The following CHUK variants were observed in gnomAD, a reference collection of about 807,000 sequenced individuals.
CHUK encodes the protein inhibitor of nuclear factor kappa-B kinase subunit alpha.
Under a neutral mutation model 104.8 loss-of-function variants are expected in CHUK, and 35 were observed. That is an observed-to-expected ratio of 0.33 (90% CI 0.26 to 0.44). The LOEUF (loss-of-function observed/expected upper bound fraction) is 0.44. Ranked by LOEUF, CHUK falls within the 20% of genes least tolerant of loss-of-function variation. The probability of loss-of-function intolerance (pLI) is 1.00; values close to 1 mark genes in which losing one functional copy is unlikely to be tolerated. For missense variants in CHUK, 663 were observed against 902.7 expected, an observed-to-expected ratio of 0.73 and a Z score of 3.40; for synonymous variants, 276 against 291.9, an observed-to-expected ratio of 0.95 and a Z score of 0.56.
chr10:100,190,227 G>C (rs1845165428), intron 20 of CHUK: 1 of 154,302 alleles, frequency 6.5e-6, no homozygotes, highest in South Asian at 2.0e-4. Flanking sequence ...TCCCATGTTG[G>C]CCAGGCTAGT....
chr10:100,193,542 C>T, intron 18 of CHUK, 111 bp from the exon 19 acceptor site: 1 of 1,228,714 alleles, frequency 8.1e-7, no homozygotes, highest in Non-Finnish European at 1.2e-6. Flanking sequence ...CTTATATGCA[C>T]AACCAGAGTA....
chr10:100,208,157 G>A (rs999777280), intron 10 of CHUK, among the ~76,000 whole-genome samples: 5 of 152,070 alleles, frequency 3.3e-5, no homozygotes, highest in Non-Finnish European at 5.9e-5. Flanking sequence ...CCATGCTGGA[G>A]TGCAGCGGCG....
chr10:100,199,121 C>T (rs114612333), intron 16 of CHUK, among the ~76,000 whole-genome samples: 132 of 152,296 alleles, frequency 8.7e-4, no homozygotes, highest in African/African-American at 2.9e-3. Flanking sequence ...GATTCCCCAT[C>T]CAGTACTCTT....
At chr10:100,211,799 T>A (rs965110841) in intron 9 of CHUK, among the ~76,000 whole-genome samples, 14 of 152,062 alleles carry the variant, frequency 9.2e-5, no homozygotes, top group Non-Finnish European at 1.9e-4. Flanking sequence ...AACATGGGAG[T>A]GCAAATATCT....
chr10:100,188,441 A>G lies in CHUK; in HGVS notation c.*1157T>C, dbSNP rs932419429. 2 of 152,658 alleles carry G rather than the reference A, an allele frequency of 1.3e-5. No homozygotes were observed. The highest frequency in any genetic ancestry group is 4.8e-5 in the African/African-American group (2 of 41,460). The allele number at this position is 152,658 out of a possible 1,614,324, so 9.5% of individuals were successfully genotyped here. A position where few individuals can be genotyped will look rare whatever the true frequency, so the allele number is the denominator to read the frequency against. Reference sequence around the variant, plus strand: ...AAGCATTTCACATTTTTTAAGACAAATAATATCTTCTAAATTACTTAGCAG... The same window carrying G: ...AAGCATTTCACATTTTTTAAGACAAGTAATATCTTCTAAATTACTTAGCAG... On this transcript the variant is annotated 3_prime_UTR_variant, in exon 21 of 21. Transcript: ENST00000370397.
intron 9 of CHUK, among the ~76,000 whole-genome samples, chr10:100,216,462 G>A (rs1424633095): frequency 1.3e-5 from 2 of 152,146 alleles, no homozygotes; most frequent in Admixed American, 6.5e-5. Context: ...TCAGCACTTT[G>A]GGAAGTCGAG....
intron 9 of CHUK, 141 bp downstream of exon 9, chr10:100,217,854 G>A: frequency 1.1e-6 from 1 of 900,968 alleles, no homozygotes; most frequent in East Asian, 2.7e-5. Context: ...TCCAGCCTAG[G>A]TGACAGAGTG....
intron 1 of CHUK, 66 bp downstream of exon 1, chr10:100,229,362 T>C: frequency 8.3e-7 from 1 of 1,198,252 alleles, no homozygotes; most frequent in Non-Finnish European, 1.2e-6. Flanking sequence ...CAGCCCTGTG[T>C]TCCACAGACG....
intron 5 of CHUK, 93 bp downstream of exon 5, chr10:100,220,494 TG>T: frequency 1.2e-6 from 1 of 864,472 alleles, no homozygotes. Context: ...AAGACTGTTA[TG>T]GGCATACAGC....
intron 9 of CHUK, among the ~76,000 whole-genome samples, chr10:100,215,936 T>C (rs1220895671): frequency 6.6e-6 from 1 of 152,226 alleles, no homozygotes. Context: ...ACAAGCATCC[T>C]TGAAGCTTCT....
At chr10:100,192,734 CAA>C in intron 19 of CHUK, 1 of 987,428 alleles carries the variant, frequency 1.0e-6, no homozygotes, top group East Asian at 1.1e-4. Context: ...CAGCTTTTAG[CAA>C]AAGAGTAGGA....
rs779974216 is a variant in CHUK, at chr10:100,209,673, AC to A, written c.1049del (p.Gly350ValfsTer24). ...RIERETGINTGSQELLSETGI... is the reference protein window; with the variant it reads ...RIERETGINTXSQELLSETGI... The stretch of plus-strand genomic sequence containing the variant: ...CTGTCTCTGAAAGAAGTTCTTGAGA[AC>A]CAGTATTTATTCCAGTTTCACGCTC... On this transcript the variant is annotated frameshift_variant, in exon 10 of 21. Coordinates refer to ENST00000370397, the MANE Select transcript of CHUK (RefSeq NM_001278.5). LOFTEE classifies it high-confidence loss of function. 4 of 1,606,972 alleles carry A rather than the reference AC, an allele frequency of 2.5e-6. No homozygotes were observed. The highest frequency in any genetic ancestry group is 8.5e-7 in the Non-Finnish European group (1 of 1,173,616).
chr10:100,191,425 T>C (rs183784353), intron 19 of CHUK, among the ~76,000 whole-genome samples: 3 of 152,326 alleles, frequency 2.0e-5, no homozygotes, highest in Admixed American at 2.0e-4. Context: ...ATCTGTTCTG[T>C]AGAGATCACA....
At chr10:100,194,351 G>T in intron 17 of CHUK, 74 bp downstream of exon 17, 1 of 1,213,006 alleles carries the variant, frequency 8.2e-7, no homozygotes, top group East Asian at 2.4e-5. Context: ...TTACCAAAGA[G>T]GGCTTTTGTA....
chr10:100,188,016 C>T (rs1845108618), downstream of CHUK: 1 of 152,104 alleles, frequency 6.6e-6, no homozygotes, highest in South Asian at 2.1e-4. Flanking sequence ...AAGAGAGAGA[C>T]TGCCTATTAT....
chr10:100,220,230 G>C (rs1438322956), intron 5 of CHUK, among the ~76,000 whole-genome samples: 1 of 151,772 alleles, frequency 6.6e-6, no homozygotes, highest in African/African-American at 2.4e-5. Flanking sequence ...TGCTTCATAA[G>C]AATAAAATAA....
At chr10:100,207,993 A>T (rs1400626735) in intron 10 of CHUK, among the ~76,000 whole-genome samples, 1 of 152,192 alleles carries the variant, frequency 6.6e-6, no homozygotes, top group Non-Finnish European at 1.5e-5. Context: ...AAAAAGAAAA[A>T]TGGGGGAAAA....
At chr10:100,220,846 C>T (rs781309764) in intron 4 of CHUK, among the ~76,000 whole-genome samples, 170 bp from the exon 5 acceptor site, 16 of 152,080 alleles carry the variant, frequency 1.1e-4, no homozygotes, top group Non-Finnish European at 2.1e-4. Context: ...AAAAAAGTAA[C>T]ATTAAACAAA....
intron 9 of CHUK, among the ~76,000 whole-genome samples, chr10:100,212,531 T>C (rs7068456): frequency 0.037 from 5,659 of 152,306 alleles, 283 homozygotes; most frequent in East Asian, 0.27. Flanking sequence ...CTTATAAATT[T>C]AGGATATTAA....
Sources: allele counts gnomAD v4.1 joint callset (sites outside exome capture counted in the v4.1 genomes callset), GRCh38; gene constraint gnomAD v4.1.1; transcripts MANE v1.5; gene names NCBI Gene and HGNC (gene_info 2026-07-23, HGNC 2026-07-21).